The following JAGN1 variants were observed in gnomAD, a reference collection of about 807,000 sequenced individuals.
The protein encoded by JAGN1 is jagunal vesicle mediated transporter 1.
In JAGN1, 13 loss-of-function variants were observed where a neutral mutation model predicts 17.1. The ratio of observed to expected loss-of-function variants is 0.76; its 90% CI spans 0.49 to 1.21. The LOEUF (loss-of-function observed/expected upper bound fraction) is 1.21, where lower values mean the gene tolerates loss of function less well. Among genes scored for constraint, JAGN1 ranks in the 50% most tolerant of loss-of-function variants. The pLI, the probability that JAGN1 is intolerant of heterozygous loss-of-function variation, is 0.00. For missense variants in JAGN1, 256 were observed against 234.2 expected (o/e 1.09, Z -0.61); for synonymous variants, 111 against 91.0 (o/e 1.22, Z -1.25).
chr3:9,890,803 C>T lies in JAGN1; in HGVS notation c.81C>T (p.Tyr27=). ...ACCGGGAGCGCGTCGCCATGCACTA[C>T]CAGATGAGGTATGAAGTGAGGCGAG... is the stretch of plus-strand genomic sequence containing the variant. ...FQHRERVAMH[Y]QMSVTLKYEI... is the part of the protein sequence containing the mutation. The change falls in exon 1 of 2, where the codon TAC becomes TAT. Residue 27 remains tyrosine, a synonymous_variant. Coordinates refer to ENST00000647897, the MANE Select transcript of JAGN1 (RefSeq NM_032492.4). 1 of 1,605,900 alleles carries T rather than the reference C, an allele frequency of 6.2e-7. No homozygotes were observed. Among genetic ancestry groups the T allele is most frequent in the Non-Finnish European group, 8.5e-7 (1 of 1,176,996 alleles).
rs180988466 is a variant in JAGN1 at position 9,892,899 on chromosome 3, C to T, written c.90-16C>T. 10 of 1,564,566 alleles carry T rather than the reference C, an allele frequency of 6.4e-6. No individual in the cohort carries two copies. In the African/African-American group the frequency reaches 1.1e-4, roughly 17 times the overall value. ...AAAAATTTGAAAGATACTTCTCCCT[C>T]TGCTCTGCCCCACAGTGTGACTCTC... On this transcript the variant is annotated splice_polypyrimidine_tract_variant and intron_variant, in intron 1 of 1. Coordinates refer to ENST00000647897, the MANE Select transcript of JAGN1 (RefSeq NM_032492.4).
chr3:9,892,972 G>A lies in JAGN1; in HGVS notation c.147G>A (p.Leu49=). ...KLIYVHLVIW[L]LLVAKMSVGH... ...TCTACGTACATCTGGTCATATGGCT[G>A]CTGCTGGTTGCTAAGATGAGCGTGG... Residue 49 remains leucine, a synonymous_variant, in exon 2 of 2, where the codon CTG becomes CTA. Coordinates refer to ENST00000647897, the MANE Select transcript of JAGN1 (RefSeq NM_032492.4). 1 of 1,614,202 alleles carries A rather than the reference G, an allele frequency of 6.2e-7. No homozygotes were observed.
At position 9,892,859 on chromosome 3, in the gene JAGN1, A is replaced by G. The variant is rs964542016; in HGVS notation, c.90-56A>G. The G allele has an allele frequency of 2.6e-6, 3 of 1,162,058 alleles. No homozygotes were observed. The African/African-American group carries it at 4.6e-5, about 18-fold the overall frequency. The allele number at this position is 1,162,058 out of a possible 1,614,324, so 72.0% of individuals were successfully genotyped here. A position where few individuals can be genotyped will look rare whatever the true frequency, so the allele number is the denominator to read the frequency against. On this transcript the variant is annotated intron_variant, in intron 1 of 1. Coordinates refer to ENST00000647897, the MANE Select transcript of JAGN1 (RefSeq NM_032492.4). The stretch of plus-strand genomic sequence containing the variant: ...AGTGTCCAGTACAGTTGTCTGGCAT[A>G]TAGTTGGTGGTAAGAAAAATTTGAA...
chr3:9,892,929 A>G lies in JAGN1; in HGVS notation c.104A>G (p.Tyr35Cys). ...MHYQMSVTLK[Y>C]EIKKLIYVHL... ...CTGCCCCACAGTGTGACTCTCAAGT[A>G]TGAAATCAAGAAGCTGATCTACGTA... Residue 35 changes from tyrosine to cysteine, a missense_variant, in exon 2 of 2, where the codon TAT (tyrosine) becomes TGT (cysteine). Transcript: ENST00000647897. 6.2e-7 allele frequency: 1 copy of G among 1,611,324 alleles called. No homozygotes were observed. The highest frequency in any genetic ancestry group is 8.5e-7 in the Non-Finnish European group (1 of 1,177,602).
At position 9,893,263 on chromosome 3, in the gene JAGN1, C is replaced by T. The variant is rs1317746929; in HGVS notation, c.438C>T (p.Ser146=). Residue 146 remains serine (S), a synonymous_variant, in exon 2 of 2, where the codon TCC becomes TCT. Coordinates refer to ENST00000647897, the MANE Select transcript of JAGN1 (RefSeq NM_032492.4). ...TCCTCTTTGGTTTTTCTGCCGTTTC[C>T]ATCATGTACCTGGTGTTGGTGTTGG... is the stretch of plus-strand genomic sequence containing the variant. ...YRFLFGFSAV[S]IMYLVLVLAV... 3 of 1,614,184 alleles carry T rather than the reference C, an allele frequency of 1.9e-6. No homozygotes were observed. Among genetic ancestry groups the T allele is most frequent in the Non-Finnish European group, 2.5e-6 (3 of 1,180,042 alleles).
chr3:9,892,952 G>C lies in JAGN1; in HGVS notation c.127G>C (p.Val43Leu). ...GTATGAAATCAAGAAGCTGATCTAC[G>C]TACATCTGGTCATATGGCTGCTGCT... ...LKYEIKKLIY[V>L]HLVIWLLLVA... Residue 43 changes from valine to leucine, a missense_variant, in exon 2 of 2, where the codon GTA (valine) becomes CTA (leucine). By Grantham distance (32) the Val-to-Leu change is conservative. Coordinates refer to ENST00000647897, the MANE Select transcript of JAGN1 (RefSeq NM_032492.4). 1 of 1,614,010 alleles carries C rather than the reference G, an allele frequency of 6.2e-7. No individual in the cohort carries two copies. The highest frequency in any genetic ancestry group is 8.5e-7 in the Non-Finnish European group (1 of 1,179,904).
In JAGN1 at chr3:9,893,216, C is replaced by G. The variant is rs150551876; in HGVS notation, c.391C>G (p.Arg131Gly). ...GTTCCCTGCTGCACAGCAGCTCTAC[C>G]GCCATGGCAAGGCCTACCGTTTCCT... ...EMFPAAQQLYRHGKAYRFLFG... is the reference protein window; with the variant it reads ...EMFPAAQQLYGHGKAYRFLFG... The change falls in exon 2 of 2, where the codon CGC (arginine) becomes GGC (glycine). Residue 131 changes from arginine (R) to glycine (G), a missense_variant. Physicochemically the swap from Arg to Gly is moderately radical, Grantham distance 125 (BLOSUM62 -2). Coordinates refer to ENST00000647897, the MANE Select transcript of JAGN1 (RefSeq NM_032492.4). 2 of 1,614,086 alleles carry G rather than the reference C, an allele frequency of 1.2e-6. No homozygotes were observed. Among genetic ancestry groups the G allele is most frequent in the African/African-American group, 1.3e-5 (1 of 74,906 alleles).
In JAGN1 at chr3:9,893,569, C is replaced by A; in HGVS notation, c.*192C>A. 2 of 571,338 alleles carry A rather than the reference C, an allele frequency of 3.5e-6. No individual in the cohort carries two copies. The highest frequency in any genetic ancestry group is 6.1e-6 in the Non-Finnish European group (2 of 326,108). 35.4% of individuals were successfully genotyped at this position (571,338 alleles called of 1,614,324 possible). ...ATAATTTATTCCTGGTTGGCTAGAA[C>A]TGGGTGACCAACAGCTATGAAACAA... On this transcript the variant is annotated 3_prime_UTR_variant, in exon 2 of 2. Transcript: ENST00000647897.
In JAGN1 at chr3:9,890,615, C is replaced by A; in HGVS notation, c.-108C>A. On this transcript the variant is annotated 5_prime_UTR_variant, in exon 1 of 2. Coordinates refer to ENST00000647897, the MANE Select transcript of JAGN1 (RefSeq NM_032492.4). ...AGACAGAGGGGCCGGAAGTTCTCTT[C>A]ACGGAGCCGCGCGGCTGCGGGGGCG... 5.7e-6 allele frequency: 6 copies of A among 1,056,282 alleles called. No homozygotes were observed. Among genetic ancestry groups the A allele is most frequent in the Non-Finnish European group, 6.9e-6 (5 of 726,100 alleles). The allele number at this position is 1,056,282 out of a possible 1,614,324, so 65.4% of individuals were successfully genotyped here.
chr3:9,892,062 C>G (rs1471201502), intron 1 of JAGN1, among the ~76,000 whole-genome samples: 1 of 152,134 alleles, frequency 6.6e-6, no homozygotes, highest in Non-Finnish European at 1.5e-5. Context: ...GTCGCCCAGG[C>G]TGGAGTGCAG....
chr3:9,893,584 C>A lies in JAGN1; in HGVS notation c.*207C>A. On this transcript the variant is annotated 3_prime_UTR_variant, in exon 2 of 2. Coordinates refer to ENST00000647897, the MANE Select transcript of JAGN1 (RefSeq NM_032492.4). Reference sequence around the variant, plus strand: ...TTGGCTAGAACTGGGTGACCAACAGCTATGAAACAAATTTCAGCTGTTTGA... The same window carrying A: ...TTGGCTAGAACTGGGTGACCAACAGATATGAAACAAATTTCAGCTGTTTGA... 1.8e-6 allele frequency: 1 copy of A among 544,612 alleles called. No homozygotes were observed. Among genetic ancestry groups the A allele is most frequent in the Non-Finnish European group, 3.2e-6 (1 of 309,562 alleles). 33.7% of individuals were successfully genotyped at this position (544,612 alleles called of 1,614,324 possible).
chr3:9,890,785 G>A lies in JAGN1; in HGVS notation c.63G>A (p.Glu21=). The change falls in exon 1 of 2, where the codon GAG becomes GAA. Residue 21 remains glutamate, a synonymous_variant. Transcript: ENST00000647897. The stretch of plus-strand genomic sequence containing the variant: ...ACGGCAGCGACTTTCAGCACCGGGA[G>A]CGCGTCGCCATGCACTACCAGATGA... The part of the protein sequence containing the change: ...GTDGSDFQHR[E]RVAMHYQMSV... 6.2e-7 allele frequency: 1 copy of A among 1,609,236 alleles called. No homozygotes were observed.
Position 9,893,168 on chromosome 3 carries a change from C to T in JAGN1, c.343C>T (p.Leu115Phe). ...ISMGLFSIAP[L>F]IYGSMEMFPA... Reference sequence around the variant, plus strand: ...CATGGGACTCTTTTCCATCGCTCCACTCATTTATGGCAGCATGGAGATGTT... The same window carrying T: ...CATGGGACTCTTTTCCATCGCTCCATTCATTTATGGCAGCATGGAGATGTT... Residue 115 changes from leucine to phenylalanine, a missense_variant, in exon 2 of 2, where the codon CTC becomes TTC. Transcript: ENST00000647897. 6.2e-7 allele frequency: 1 copy of T among 1,614,256 alleles called. No homozygotes were observed. The highest frequency in any genetic ancestry group is 8.5e-7 in the Non-Finnish European group (1 of 1,180,044).
At position 9,893,764 on chromosome 3, in the gene JAGN1, C is replaced by CA. The variant is rs1559260450; in HGVS notation, c.*388dup. The CA allele has an allele frequency of 5.4e-6, 1 of 184,784 alleles. No homozygotes were observed. The highest frequency in any genetic ancestry group is 1.0e-4 in the South Asian group (1 of 9,882). 11.4% of individuals were successfully genotyped at this position (184,784 alleles called of 1,614,324 possible). A position where few individuals can be genotyped will look rare whatever the true frequency, so the allele number is the denominator to read the frequency against. On this transcript the variant is annotated 3_prime_UTR_variant, in exon 2 of 2. Coordinates refer to ENST00000647897, the MANE Select transcript of JAGN1 (RefSeq NM_032492.4). ...CATCTCTAGGTCACGGGTCAGGAAACATTTGGGCAGCTGCTCCCTTGGCAG... is the reference window on the plus strand; with the variant it reads ...CATCTCTAGGTCACGGGTCAGGAAACAATTTGGGCAGCTGCTCCCTTGGCAG...
At chr3:9,892,546 C>G (rs1466026495) in intron 1 of JAGN1, among the ~76,000 whole-genome samples, 4 of 152,072 alleles carry the variant, frequency 2.6e-5, no homozygotes, top group Admixed American at 6.6e-5. Flanking sequence ...TCCTGCCACA[C>G]ATAACCACTT....
chr3:9,893,077 C>T lies in JAGN1; in HGVS notation c.252C>T (p.Pro84=). 6.2e-7 allele frequency: 1 copy of T among 1,601,076 alleles called. No individual in the cohort carries two copies. The highest frequency in any genetic ancestry group is 8.6e-7 in the Non-Finnish European group (1 of 1,168,098). ...ACCCGTATTTGCTGAGCATTTTGCC[C>T]TCTCTCTTGGGCCTTCTCTCCTTTC... ...WEYPYLLSIL[P]SLLGLLSFPR... Residue 84 remains proline, a synonymous_variant, in exon 2 of 2, where the codon CCC becomes CCT. Transcript: ENST00000647897.
chr3:9,893,551 A>C lies in JAGN1; in HGVS notation c.*174A>C. 1.7e-6 allele frequency: 1 copy of C among 587,410 alleles called. No individual in the cohort carries two copies. Among genetic ancestry groups the C allele is most frequent in the Non-Finnish European group, 3.0e-6 (1 of 337,762 alleles). The allele number at this position is 587,410 out of a possible 1,614,324, so 36.4% of individuals were successfully genotyped here. ...TGCTGAGGTGGCAAAACTATAATTT[A>C]TTCCTGGTTGGCTAGAACTGGGTGA... On this transcript the variant is annotated 3_prime_UTR_variant, in exon 2 of 2. Coordinates refer to ENST00000647897, the MANE Select transcript of JAGN1 (RefSeq NM_032492.4).
Position 9,893,316 on chromosome 3 carries a change from A to G in JAGN1, c.491A>G (p.Tyr164Cys), listed in dbSNP as rs1453002651. ...GTGCAAGTGCATGCCTGGCAGTTGT[A>G]CTACAGCAAGAAGCTCCTAGACTCT... ...LAVQVHAWQL[Y>C]YSKKLLDSWF... The change falls in exon 2 of 2, where the codon TAC (tyrosine) becomes TGC (cysteine). Residue 164 changes from tyrosine to cysteine, a missense_variant. Coordinates refer to ENST00000647897, the MANE Select transcript of JAGN1 (RefSeq NM_032492.4). 1 of 1,614,198 alleles carries G rather than the reference A, an allele frequency of 6.2e-7. No individual in the cohort carries two copies. The highest frequency in any genetic ancestry group is 1.1e-5 in the South Asian group (1 of 91,082).
Position 9,893,633 on chromosome 3 carries a change from T to G in JAGN1, c.*256T>G. The G allele has an allele frequency of 4.2e-6, 2 of 478,696 alleles. No homozygotes were observed. Among genetic ancestry groups the G allele is most frequent in the Non-Finnish European group, 7.4e-6 (2 of 269,600 alleles). The allele number at this position is 478,696 out of a possible 1,614,324, so 29.7% of individuals were successfully genotyped here. A position where few individuals can be genotyped will look rare whatever the true frequency, so the allele number is the denominator to read the frequency against. ...GAAGTTGAACTTTGAGGTTTTTCTT[T>G]AAGAATGAGCTTCGTCCTTGCCTCT... is the stretch of plus-strand genomic sequence containing the variant. On this transcript the variant is annotated 3_prime_UTR_variant, in exon 2 of 2. Transcript: ENST00000647897.
Sources: allele counts gnomAD v4.1 joint callset (sites outside exome capture counted in the v4.1 genomes callset), GRCh38; gene constraint gnomAD v4.1.1; transcripts MANE v1.5; gene names NCBI Gene and HGNC (gene_info 2026-07-23, HGNC 2026-07-21).